Variants in CRADD observed in about 807,000 individuals in gnomAD.
CRADD encodes the protein CARD and death domain containing adaptor protein, also known as death domain-containing protein CRADD.
CRADD carries 9 observed loss-of-function variants against 15.5 expected under a neutral mutation model. The observed-to-expected ratio is 0.58, with a 90% CI of 0.35 to 1.01. The LOEUF (loss-of-function observed/expected upper bound fraction) is 1.01. Ranked by LOEUF, CRADD falls within the 50% of genes least tolerant of loss-of-function variation. The pLI, the probability that CRADD is intolerant of heterozygous loss-of-function variation, is 0.02. For synonymous variants in CRADD, 118 were observed against 107.6 expected (o/e 1.10, Z -0.60); for missense variants, 227 against 250.3 (o/e 0.91, Z 0.63).
intron 2 of CRADD, among the ~76,000 whole-genome samples, chr12:93,840,655 T>C (rs1958036165): frequency 6.6e-6 from 1 of 152,014 alleles, no homozygotes; most frequent in Non-Finnish European, 1.5e-5. Context: ...CAACCTCTGC[T>C]TCCTGGGTCC....
At chr12:93,861,565 A>G (rs1958319680) in intron 2 of CRADD, among the ~76,000 whole-genome samples, 1 of 152,210 alleles carries the variant, frequency 6.6e-6, no homozygotes, top group Non-Finnish European at 1.5e-5. Context: ...AGTGAGGGCT[A>G]CAAAGGCCTG....
chr12:93,761,002 A>G (rs1325935236), intron 2 of CRADD, among the ~76,000 whole-genome samples: 1 of 152,006 alleles, frequency 6.6e-6, no homozygotes, highest in Non-Finnish European at 1.5e-5. Flanking sequence ...TAGGGAGAGG[A>G]AGCCGCTGAG....
chr12:93,733,945 CA>C (rs1204384022), intron 2 of CRADD, among the ~76,000 whole-genome samples: 1 of 152,140 alleles, frequency 6.6e-6, no homozygotes, highest in East Asian at 1.9e-4. Context: ...CCATGTTGCC[CA>C]GGCTGGTCTC....
At position 93,757,234 on chromosome 12, in the gene CRADD, T is replaced by C. The variant is rs184074283; in HGVS notation, c.298+78162T>C. ...CTTAGAGTCTACTCCAGGTAGAGTT[T>C]TCATTATGCCGAAGACCATATATTG... On this transcript the variant is annotated intron_variant, in intron 2 of 2. Transcript: ENST00000332896. 1.4e-3 allele frequency among the ~76,000 whole-genome samples: 214 copies of C among 152,342 alleles called. 1 individual carries two copies. The highest frequency in any genetic ancestry group is 2.7e-3 in the Non-Finnish European group (181 of 68,036).
chr12:93,792,316 A>T (rs1453140222), intron 2 of CRADD, among the ~76,000 whole-genome samples: 1 of 152,066 alleles, frequency 6.6e-6, no homozygotes, highest in Non-Finnish European at 1.5e-5. Context: ...GATGCTGGAG[A>T]CCCTCTTTCA....
chr12:93,818,637 G>A (rs1351125042), intron 2 of CRADD, among the ~76,000 whole-genome samples: 1 of 152,210 alleles, frequency 6.6e-6, no homozygotes, highest in African/African-American at 2.4e-5. Flanking sequence ...TATCTGCAGA[G>A]GGGGCAAGGG....
At chr12:93,730,083 T>C (rs958529634) in intron 2 of CRADD, among the ~76,000 whole-genome samples, 2 of 152,246 alleles carry the variant, frequency 1.3e-5, no homozygotes, top group African/African-American at 2.4e-5. Context: ...ATTTACTGTT[T>C]ATTGTCTGCC....
chr12:93,727,579 C>T (rs996845681), intron 2 of CRADD, among the ~76,000 whole-genome samples: 2 of 152,126 alleles, frequency 1.3e-5, no homozygotes, highest in Non-Finnish European at 2.9e-5. Context: ...GAATCTAGAG[C>T]CAGGCCAGTT....
chr12:93,770,096 CTTTTTT>C (rs34791279), intron 2 of CRADD, among the ~76,000 whole-genome samples: 1 of 129,990 alleles, frequency 7.7e-6, no homozygotes, highest in African/African-American at 2.9e-5. Context: ...CCTATGTTAT[CTTTTTT>C]TTTTTTTTTT....
At chr12:93,890,259 G>C (rs1056963464) in intron 2 of CRADD, among the ~76,000 whole-genome samples, 1 of 152,164 alleles carries the variant, frequency 6.6e-6, no homozygotes, top group Non-Finnish European at 1.5e-5. Context: ...TGCTGTGAAG[G>C]TTTAAAGAGA....
chr12:93,885,410 C>T lies in CRADD; in HGVS notation c.299-8640C>T, dbSNP rs370021861. ...TGCAGAGATAAAGAAACTGACATCC[C>T]TAGGGAATGAAGCCTAGGTCCTCGT... is the stretch of plus-strand genomic sequence containing the variant. On this transcript the variant is annotated intron_variant, in intron 2 of 2. Transcript: ENST00000548483. Among the ~76,000 whole-genome samples, 14 of 152,286 alleles carry T rather than the reference C, an allele frequency of 9.2e-5. No individual in the cohort carries two copies. In the South Asian group the frequency reaches 1.9e-3, roughly 20 times the overall value.
intron 2 of CRADD, among the ~76,000 whole-genome samples, chr12:93,730,279 C>T (rs1376860015): frequency 2.6e-5 from 4 of 152,216 alleles, no homozygotes; most frequent in Admixed American, 6.5e-5. Flanking sequence ...CAGTATAACA[C>T]GGACCTACTG....
At chr12:93,814,804 G>T (rs554727890) in intron 2 of CRADD, among the ~76,000 whole-genome samples, 197 of 152,268 alleles carry the variant, frequency 1.3e-3, no homozygotes, top group African/African-American at 4.6e-3. Flanking sequence ...ACAAGGATGC[G>T]TGAAACCAGC....
intron 2 of CRADD, among the ~76,000 whole-genome samples, chr12:93,799,448 C>T (rs1401781254): frequency 6.6e-6 from 1 of 152,194 alleles, no homozygotes; most frequent in Non-Finnish European, 1.5e-5. Context: ...GGAGTACCCT[C>T]TTGTCACCTC....
chr12:93,775,467 T>G (rs1253199186), intron 2 of CRADD, among the ~76,000 whole-genome samples: 1 of 152,196 alleles, frequency 6.6e-6, no homozygotes, highest in Non-Finnish European at 1.5e-5. Flanking sequence ...GAGCTGAGTT[T>G]TGGAGGGCTG....
chr12:93,885,880 A>G (rs1344523287), intron 2 of CRADD, among the ~76,000 whole-genome samples: 2 of 152,006 alleles, frequency 1.3e-5, no homozygotes, highest in African/African-American at 4.8e-5. Context: ...CTCTACTAAA[A>G]ATACAAAAGT....
intron 2 of CRADD, among the ~76,000 whole-genome samples, chr12:93,779,515 A>G (rs372005161): frequency 5.3e-4 from 80 of 152,172 alleles, no homozygotes; most frequent in African/African-American, 1.4e-3. Context: ...TAAAAAGAAG[A>G]AAGGAAATAG....
intron 2 of CRADD, among the ~76,000 whole-genome samples, chr12:93,783,750 A>C (rs1052466159): frequency 2.0e-5 from 3 of 152,162 alleles, no homozygotes; most frequent in Non-Finnish European, 2.9e-5. Flanking sequence ...TTCATTTTTC[A>C]TGTGTTTGTA....
chr12:93,749,501 A>G (rs1956806767), intron 2 of CRADD, among the ~76,000 whole-genome samples: 1 of 152,226 alleles, frequency 6.6e-6, no homozygotes, highest in Non-Finnish European at 1.5e-5. Flanking sequence ...TGCTATATTA[A>G]AAACTGGCAG....
Sources: gnomAD v4.1 joint callset for allele counts (sites outside exome capture counted in the v4.1 genomes callset) on GRCh38, gnomAD v4.1.1 for gene constraint, MANE v1.5 for transcripts, NCBI Gene and HGNC (gene_info 2026-07-23, HGNC 2026-07-21) for gene names.